The following ZC2HC1B variants were observed in gnomAD, a reference collection of about 807,000 sequenced individuals.
ZC2HC1B encodes the protein zinc finger C2HC-type containing 1B, also known as zinc finger C2HC domain-containing protein 1B.
In ZC2HC1B, 36 loss-of-function variants were observed where a neutral mutation model predicts 31.0. The ratio of observed to expected loss-of-function variants is 1.16; its 90% CI spans 0.89 to 1.54. The LOEUF is 1.54. Ranked by LOEUF, ZC2HC1B falls within the 40% of genes most tolerant of loss-of-function variation. The pLI is 0.00. For missense variants in ZC2HC1B, 260 were observed against 268.6 expected, an observed-to-expected ratio of 0.97 and a Z score of 0.22; for synonymous variants, 73 against 88.0, an observed-to-expected ratio of 0.83 and a Z score of 0.95.
In ZC2HC1B at chr6:143,917,865, A is replaced by T. The variant is rs192509756; in HGVS notation, c.598+14713A>T. The stretch of plus-strand genomic sequence containing the variant: ...TATGTATAAAACAAAACGTGGAGTT[A>T]CAAACCAGTTACAGTACTAGTTTTT... On this transcript the variant is annotated intron_variant, in intron 6 of 7. Coordinates refer to ENST00000237275, the MANE Select transcript of ZC2HC1B (RefSeq NM_001013623.3). This position sits in a 1 kb window ranked among gnomAD's most constrained non-coding sequence, Gnocchi z 4.1. Among the ~76,000 whole-genome samples, 11 of 152,388 alleles carry T rather than the reference A, an allele frequency of 7.2e-5. No homozygotes were observed. The highest frequency in any genetic ancestry group is 2.0e-4 in the Admixed American group (3 of 15,304).
rs967621747 is a variant in ZC2HC1B at position 143,937,790 on chromosome 6, A to G, written c.*14+57A>G. Reference sequence around the variant, plus strand: ...GTTGCTGACCAGTTAATGACTTTTAAGAGAATGGATGCATAGTAAGCAAAC... The same window carrying G: ...GTTGCTGACCAGTTAATGACTTTTAGGAGAATGGATGCATAGTAAGCAAAC... On this transcript the variant is annotated intron_variant, in intron 7 of 7. Coordinates refer to ENST00000237275, the MANE Select transcript of ZC2HC1B (RefSeq NM_001013623.3). The G allele has an allele frequency of 2.8e-5, 38 of 1,340,346 alleles. 1 individual carries two copies. The South Asian group carries it at 4.8e-4, about 17-fold the overall frequency. The allele number at this position is 1,340,346 out of a possible 1,614,324, so 83.0% of individuals were successfully genotyped here.
rs1777761722 is a variant in ZC2HC1B at position 143,903,667 on chromosome 6, G to C, written c.598+515G>C. 6.6e-6 allele frequency among the ~76,000 whole-genome samples: 1 copy of C among 152,086 alleles called. No individual in the cohort carries two copies. The highest frequency in any genetic ancestry group is 2.4e-5 in the African/African-American group (1 of 41,420). On this transcript the variant is annotated intron_variant, in intron 6 of 7. Coordinates refer to ENST00000237275, the MANE Select transcript of ZC2HC1B (RefSeq NM_001013623.3). The surrounding 1 kb of genome is among the most constrained non-coding windows in gnomAD (Gnocchi z 4.3). ...AGAATTTCTGTACAGTCATCCCTCGGTATCCACAGGGGATTGGTCCCAGGG... is the reference window on the plus strand; with the variant it reads ...AGAATTTCTGTACAGTCATCCCTCGCTATCCACAGGGGATTGGTCCCAGGG...
chr6:143,868,006 T>C lies in ZC2HC1B; in HGVS notation c.28+3439T>C, dbSNP rs569027492. Reference sequence around the variant, plus strand: ...AAATATATTCTACTCTTATGTTGGATTGACAGCTTGACTGAATATAGAATT... The same window carrying C: ...AAATATATTCTACTCTTATGTTGGACTGACAGCTTGACTGAATATAGAATT... On this transcript the variant is annotated intron_variant, in intron 1 of 7. Coordinates refer to ENST00000237275, the MANE Select transcript of ZC2HC1B (RefSeq NM_001013623.3). This position sits in a 1 kb window ranked among gnomAD's most constrained non-coding sequence, Gnocchi z 4.2. Among the ~76,000 whole-genome samples, 1 of 152,364 alleles carries C rather than the reference T, an allele frequency of 6.6e-6. No homozygotes were observed. Among genetic ancestry groups the C allele is most frequent in the East Asian group, 1.9e-4 (1 of 5,188 alleles).
At chr6:143,892,015 G>A (rs1777607892) in intron 4 of ZC2HC1B, among the ~76,000 whole-genome samples, 1 of 152,116 alleles carries the variant, frequency 6.6e-6, no homozygotes, top group Non-Finnish European at 1.5e-5. Flanking sequence ...TAGAACAACT[G>A]GATATCCATA....
At chr6:143,926,024 G>A (rs1778037205) in intron 6 of ZC2HC1B, among the ~76,000 whole-genome samples, 1 of 151,914 alleles carries the variant, frequency 6.6e-6, no homozygotes, top group South Asian at 2.1e-4. Flanking sequence ...TTCTTGGTTA[G>A]TCTAGCTAGT....
rs1433529038 is a variant in ZC2HC1B at position 143,887,670 on chromosome 6, G to A, written c.349+849G>A. Among the ~76,000 whole-genome samples the A allele has an allele frequency of 2.6e-5, 4 of 151,892 alleles. No homozygotes were observed. The highest frequency in any genetic ancestry group is 4.4e-5 in the Non-Finnish European group (3 of 67,952). ...CTATTCACCTTTTAGAATGTCTCAT[G>A]TTCTGTATTTCTCCACTTATTTAGT... On this transcript the variant is annotated intron_variant, in intron 4 of 7. Transcript: ENST00000237275. The surrounding 1 kb of genome is among the most constrained non-coding windows in gnomAD (Gnocchi z 5.1).
At chr6:143,937,603 A>G (rs1442499417) in intron 6 of ZC2HC1B, 46 bp from the exon 7 acceptor site, 10 of 1,459,746 alleles carry the variant, frequency 6.9e-6, no homozygotes, top group African/African-American at 1.4e-5. Context: ...TTTTCTTGGT[A>G]ATGTTCTGCT....
chr6:143,919,523 A>G (rs1335309743), intron 6 of ZC2HC1B, among the ~76,000 whole-genome samples: 1 of 152,210 alleles, frequency 6.6e-6, no homozygotes, highest in Non-Finnish European at 1.5e-5. Flanking sequence ...GGGGCTTACA[A>G]CAATGATGGG....
intron 6 of ZC2HC1B, among the ~76,000 whole-genome samples, chr6:143,925,629 C>T (rs903082236): frequency 1.3e-5 from 2 of 151,410 alleles, no homozygotes; most frequent in African/African-American, 2.4e-5. Flanking sequence ...CTCCGCCTCC[C>T]GTGCTCAAGC....
intron 1 of ZC2HC1B, among the ~76,000 whole-genome samples, chr6:143,882,334 T>TATATATTTTATA (rs1554237238): frequency 1.1e-4 from 9 of 85,554 alleles, no homozygotes; most frequent in African/African-American, 5.7e-4. Flanking sequence ...TTTATATTTT[T>TATATATTTTATA]TATATATATA....
At chr6:143,906,062 T>C (rs1468467321) in intron 6 of ZC2HC1B, among the ~76,000 whole-genome samples, 2 of 152,228 alleles carry the variant, frequency 1.3e-5, no homozygotes, top group Admixed American at 1.3e-4. Flanking sequence ...ATTAGGAATG[T>C]TCCTACTTCT....
chr6:143,900,850 T>G (rs1562342584), intron 5 of ZC2HC1B, among the ~76,000 whole-genome samples: 2 of 152,194 alleles, frequency 1.3e-5, no homozygotes, highest in African/African-American at 4.8e-5. Flanking sequence ...GTTTTGTTTT[T>G]GTTTTTGAGA....
At chr6:143,904,080 C>G (rs1198157025) in intron 6 of ZC2HC1B, among the ~76,000 whole-genome samples, 1 of 152,164 alleles carries the variant, frequency 6.6e-6, no homozygotes, top group Non-Finnish European at 1.5e-5. Context: ...TTGCATATCT[C>G]TAATGACTTA....
chr6:143,871,111 C>G lies in ZC2HC1B; in HGVS notation c.28+6544C>G, dbSNP rs1168581105. On this transcript the variant is annotated intron_variant, in intron 1 of 7. Transcript: ENST00000237275. The surrounding 1 kb of genome is among the most constrained non-coding windows in gnomAD (Gnocchi z 4.1). Reference sequence around the variant, plus strand: ...AAGGAATATCTCAACAGGACCCATACCACTGGACCCCTAGAAATTTTATTG... The same window carrying G: ...AAGGAATATCTCAACAGGACCCATAGCACTGGACCCCTAGAAATTTTATTG... Among the ~76,000 whole-genome samples, 1 of 152,150 alleles carries G rather than the reference C, an allele frequency of 6.6e-6. No individual in the cohort carries two copies. The highest frequency in any genetic ancestry group is 6.5e-5 in the Admixed American group (1 of 15,280).
intron 1 of ZC2HC1B, among the ~76,000 whole-genome samples, chr6:143,879,297 G>C (rs1489455811): frequency 2.0e-5 from 3 of 152,108 alleles, no homozygotes; most frequent in Non-Finnish European, 4.4e-5. Context: ...TAGGTTTCTT[G>C]TTTTCTTTCC....
intron 4 of ZC2HC1B, among the ~76,000 whole-genome samples, chr6:143,892,726 T>G (rs1388621458): frequency 6.6e-6 from 1 of 152,176 alleles, no homozygotes; most frequent in African/African-American, 2.4e-5. Flanking sequence ...ACACTAGGAC[T>G]GCCTCCGACA....
chr6:143,910,070 G>A (rs1363382920), intron 6 of ZC2HC1B, among the ~76,000 whole-genome samples: 5 of 152,124 alleles, frequency 3.3e-5, no homozygotes, highest in Admixed American at 6.5e-5. Flanking sequence ...TCTTAACACT[G>A]CTTTAGCTGC....
In ZC2HC1B at chr6:143,899,619, T is replaced by C. The variant is rs545717894; in HGVS notation, c.489+928T>C. On this transcript the variant is annotated intron_variant, in intron 5 of 7. Transcript: ENST00000237275. This position sits in a 1 kb window ranked among gnomAD's most constrained non-coding sequence, Gnocchi z 5.0. ...CTCAAACTCCTGGGCCCAAGCAATC[T>C]GCCCTCTTCAGCCTCCCAAAGTGCT... is the stretch of plus-strand genomic sequence containing the variant. Among the ~76,000 whole-genome samples, 1 of 152,214 alleles carries C rather than the reference T, an allele frequency of 6.6e-6. No individual in the cohort carries two copies. Among genetic ancestry groups the C allele is most frequent in the Non-Finnish European group, 1.5e-5 (1 of 68,038 alleles).
chr6:143,866,272 C>T (rs1449061027), intron 1 of ZC2HC1B, among the ~76,000 whole-genome samples: 1 of 152,220 alleles, frequency 6.6e-6, no homozygotes, highest in Non-Finnish European at 1.5e-5. Context: ...TACACCTAAC[C>T]TACTGAACAT....
Sources: allele counts gnomAD v4.1 joint callset (sites outside exome capture counted in the v4.1 genomes callset), GRCh38; gene constraint gnomAD v4.1.1; non-coding constraint Gnocchi (gnomAD v3.1); transcripts MANE v1.5; gene names NCBI Gene and HGNC (gene_info 2026-07-23, HGNC 2026-07-21).